Variants in PHF21A observed in about 807,000 individuals in gnomAD.
The protein encoded by PHF21A is BHC80a.
In PHF21A, 11 loss-of-function variants were observed where a neutral mutation model predicts 82.5. The ratio of observed to expected loss-of-function variants is 0.13; its 90% CI spans 0.08 to 0.22. The LOEUF is 0.22. Ranked by LOEUF, PHF21A falls within the 10% of genes least tolerant of loss-of-function variation. The probability of loss-of-function intolerance (pLI) is 1.00; values close to 1 mark genes in which losing one functional copy is unlikely to be tolerated. For missense variants in PHF21A, 579 were observed against 837.8 expected (o/e 0.69, Z 3.81); for synonymous variants, 297 against 302.8 (o/e 0.98, Z 0.20).
intron 1 of PHF21A, among the ~76,000 whole-genome samples, chr11:46,103,783 G>A (rs900497872): frequency 6.6e-6 from 1 of 152,092 alleles, no homozygotes; most frequent in Non-Finnish European, 1.5e-5. Context: ...GACCAAAAAC[G>A]TTCAGATCCT....
intron 6 of PHF21A, among the ~76,000 whole-genome samples, chr11:46,021,432 G>A (rs1373919914): frequency 1.3e-5 from 2 of 152,134 alleles, no homozygotes; most frequent in Non-Finnish European, 2.9e-5. Context: ...ACCTCCATCA[G>A]TATTGTCAAT....
intron 1 of PHF21A, among the ~76,000 whole-genome samples, chr11:46,103,873 A>G (rs1444329348): frequency 6.6e-6 from 1 of 152,310 alleles, no homozygotes; most frequent in East Asian, 1.9e-4. Flanking sequence ...GGTTTCACTT[A>G]TAAGATAGAG....
chr11:46,107,390 T>C (rs2097163647), intron 1 of PHF21A, among the ~76,000 whole-genome samples: 2 of 152,148 alleles, frequency 1.3e-5, no homozygotes, highest in African/African-American at 4.8e-5. Flanking sequence ...TGAACAAGAA[T>C]AAAATACTCT....
chr11:46,035,230 A>C (rs1160035640), intron 6 of PHF21A, among the ~76,000 whole-genome samples: 1 of 152,174 alleles, frequency 6.6e-6, no homozygotes, highest in African/African-American at 2.4e-5. Context: ...CCTGAAGTGG[A>C]CAGCCAATTG....
chr11:46,120,503 G>C (rs1024388291), intron 1 of PHF21A: 1 of 151,964 alleles, frequency 6.6e-6, no homozygotes, highest in Non-Finnish European at 1.5e-5. Flanking sequence ...CTGCGCCCAG[G>C]CTTCCGAGGC....
chr11:45,950,390 T>A (rs1433744642), intron 11 of PHF21A, 133 bp from the exon 12 acceptor site: 1 of 600,514 alleles, frequency 1.7e-6, no homozygotes, highest in Non-Finnish European at 2.9e-6. Flanking sequence ...GCAGGCATTC[T>A]CTAAGCAGCC....
chr11:45,947,751 G>C (rs937370297), intron 14 of PHF21A, among the ~76,000 whole-genome samples: 10 of 152,006 alleles, frequency 6.6e-5, no homozygotes, highest in African/African-American at 2.4e-4. Flanking sequence ...AACTGCATCA[G>C]GGGTCACTAA....
chr11:46,094,464 C>A (rs2096966166), intron 1 of PHF21A, among the ~76,000 whole-genome samples: 1 of 152,208 alleles, frequency 6.6e-6, no homozygotes, highest in Non-Finnish European at 1.5e-5. Flanking sequence ...TCATTTTCCA[C>A]TAGACCTCAC....
intron 1 of PHF21A, among the ~76,000 whole-genome samples, chr11:46,098,506 TAGAA>T (rs758764795): frequency 3.9e-4 from 60 of 152,140 alleles, no homozygotes; most frequent in African/African-American, 1.3e-3. Context: ...CAGAAATAAA[TAGAA>T]AGAAGAAATC....
intron 6 of PHF21A, among the ~76,000 whole-genome samples, chr11:46,035,073 G>C (rs1051552422): frequency 2.0e-5 from 3 of 152,088 alleles, no homozygotes; most frequent in Admixed American, 6.5e-5. Flanking sequence ...ATTCCTGAGG[G>C]AATACTGTTC....
At chr11:46,106,914 C>T (rs1350295576) in intron 1 of PHF21A, among the ~76,000 whole-genome samples, 5 of 152,332 alleles carry the variant, frequency 3.3e-5, no homozygotes, top group Non-Finnish European at 5.9e-5. Flanking sequence ...ATCCTTCAGC[C>T]TTTCACAGAA....
intron 6 of PHF21A, among the ~76,000 whole-genome samples, chr11:45,994,844 T>C (rs1272793437): frequency 6.6e-6 from 1 of 152,240 alleles, no homozygotes; most frequent in Non-Finnish European, 1.5e-5. Context: ...TAACAGTTTG[T>C]CTAGTCATCA....
chr11:45,983,282 T>TA (rs1009600671), intron 6 of PHF21A, among the ~76,000 whole-genome samples: 18 of 151,544 alleles, frequency 1.2e-4, no homozygotes, highest in African/African-American at 4.4e-4. Context: ...CTTGCAAACT[T>TA]ACATCAGTCC....
chr11:46,013,437 G>A (rs188046225), intron 6 of PHF21A, among the ~76,000 whole-genome samples: 11 of 152,200 alleles, frequency 7.2e-5, no homozygotes, highest in African/African-American at 1.7e-4. Context: ...GCCCCAAAGC[G>A]AAAGAGTAGT....
At chr11:46,037,632 C>A (rs61882543) in intron 6 of PHF21A, among the ~76,000 whole-genome samples, 2 of 126,902 alleles carry the variant, frequency 1.6e-5, no homozygotes, top group African/African-American at 6.2e-5. Context: ...AAGAGTGAAA[C>A]GTCATCTCAA....
At chr11:46,038,055 C>T (rs933596318) in intron 6 of PHF21A, among the ~76,000 whole-genome samples, 1 of 151,990 alleles carries the variant, frequency 6.6e-6, no homozygotes, top group African/African-American at 2.4e-5. Context: ...AATTCACCTT[C>T]TTGCAGAGCC....
At chr11:46,033,090 T>G (rs1197847505) in intron 6 of PHF21A, among the ~76,000 whole-genome samples, 3 of 152,220 alleles carry the variant, frequency 2.0e-5, no homozygotes, top group Non-Finnish European at 4.4e-5. Context: ...AGTTTTTATG[T>G]ATCCTGTGAC....
chr11:45,981,375 A>G (rs890227963), intron 6 of PHF21A, among the ~76,000 whole-genome samples: 2 of 141,046 alleles, frequency 1.4e-5, no homozygotes, highest in African/African-American at 5.3e-5. Flanking sequence ...CCTGGGTGAC[A>G]GAGTGAAACC....
chr11:46,054,078 C>A (rs909755250), intron 6 of PHF21A, among the ~76,000 whole-genome samples: 6 of 152,094 alleles, frequency 3.9e-5, no homozygotes, highest in African/African-American at 1.4e-4. Context: ...ATATTTTAAG[C>A]AAATAAAATA....
Sources: gnomAD v4.1 joint callset for allele counts (sites outside exome capture counted in the v4.1 genomes callset) on GRCh38, gnomAD v4.1.1 for gene constraint, MANE v1.5 for transcripts, NCBI Gene and HGNC (gene_info 2026-07-23, HGNC 2026-07-21) for gene names.